The following CYP3A43 variants were observed in gnomAD, a reference collection of about 807,000 sequenced individuals.
CYP3A43 encodes the protein cytochrome P450 family 3 subfamily A member 43, also known as cytochrome P450 3A43.
In CYP3A43, 45 loss-of-function variants were observed where a neutral mutation model predicts 58.0. The observed-to-expected ratio is 0.78, with a 90% CI of 0.61 to 0.99. The LOEUF (loss-of-function observed/expected upper bound fraction) is 0.99. Among genes scored for constraint, CYP3A43 ranks in the 50% least tolerant of loss-of-function variants. The pLI is 0.00. For missense variants in CYP3A43, 593 were observed against 591.9 expected, an observed-to-expected ratio of 1.00 and a Z score of -0.02; for synonymous variants, 191 against 201.4, an observed-to-expected ratio of 0.95 and a Z score of 0.44.
At chr7:99,865,459 A>G (rs1818407331) in intron 12 of CYP3A43, among the ~76,000 whole-genome samples, 1 of 148,848 alleles carries the variant, frequency 6.7e-6, no homozygotes, top group Non-Finnish European at 1.5e-5. Context: ...TGAATGCTTA[A>G]TAAGTTGAAG....
intron 6 of CYP3A43, 60 bp downstream of exon 6, chr7:99,848,314 G>T: frequency 1.9e-6 from 3 of 1,550,670 alleles, no homozygotes; most frequent in South Asian, 1.1e-5. Flanking sequence ...GCCTGCAGTG[G>T]AGCTGATATT....
intron 4 of CYP3A43, among the ~76,000 whole-genome samples, chr7:99,845,950 T>C (rs1817529860): frequency 6.6e-6 from 1 of 150,978 alleles, no homozygotes; most frequent in Non-Finnish European, 1.5e-5. Flanking sequence ...TAATCTGGGG[T>C]ATTTTTAGTA....
At chr7:99,852,914 T>C (rs1817818208) in intron 7 of CYP3A43, among the ~76,000 whole-genome samples, 2 of 152,264 alleles carry the variant, frequency 1.3e-5, no homozygotes, top group Admixed American at 6.5e-5. Context: ...CATGGTATAT[T>C]ACACAACCTT....
Position 99,844,127 on chromosome 7 carries a change from G to T in CYP3A43, c.219-16G>T, listed in dbSNP as rs1038182227. The T allele has an allele frequency of 1.5e-5, 24 of 1,604,616 alleles. 1 individual carries two copies. The highest frequency in any genetic ancestry group is 2.0e-5 in the Non-Finnish European group (24 of 1,175,724). ...AGGCAAGCGAGGTTTAGTCAGCTCT[G>T]TTTTCCCCCACACAGGCTGTATGAG... On this transcript the variant is annotated splice_polypyrimidine_tract_variant and intron_variant, in intron 3 of 12. Coordinates refer to ENST00000354829, the MANE Select transcript of CYP3A43 (RefSeq NM_057095.3).
intron 7 of CYP3A43, among the ~76,000 whole-genome samples, chr7:99,850,725 A>G (rs948478940): frequency 6.6e-6 from 1 of 152,228 alleles, no homozygotes; most frequent in African/African-American, 2.4e-5. Context: ...CTAATCTAGC[A>G]CACATCATAT....
intron 7 of CYP3A43, among the ~76,000 whole-genome samples, chr7:99,855,073 T>C (rs1817921024): frequency 6.6e-6 from 1 of 152,020 alleles, no homozygotes; most frequent in Non-Finnish European, 1.5e-5. Flanking sequence ...AGAGATGGGG[T>C]TCCGCCATGT....
chr7:99,844,144 C>CT lies in CYP3A43; in HGVS notation c.221dup (p.Tyr75ValfsTer2). The stretch of plus-strand genomic sequence containing the variant: ...TCAGCTCTGTTTTCCCCCACACAGG[C>CT]TGTATGAGGGGCAACAGCCCATGCT... On this transcript the variant is annotated frameshift_variant and splice_region_variant, in exon 4 of 13. Coordinates refer to ENST00000354829, the MANE Select transcript of CYP3A43 (RefSeq NM_057095.3). LOFTEE classifies it high-confidence loss of function. 6.2e-7 allele frequency: 1 copy of CT among 1,612,616 alleles called. No homozygotes were observed. The highest frequency in any genetic ancestry group is 8.5e-7 in the Non-Finnish European group (1 of 1,179,374).
rs141131428 is a variant in CYP3A43 at position 99,844,201 on chromosome 7, G to A, written c.277G>A (p.Val93Met). ...CATGGATCCCGACATGATCAAAACA[G>A]TGTTAGTGAAAGAATGTTACTCTGT... ...VIMDPDMIKT[V>M]LVKECYSVFT... The change falls in exon 4 of 13, where the codon GTG becomes ATG. Residue 93 changes from valine (V) to methionine (M), a missense_variant. By Grantham distance (21) the Val-to-Met change is conservative. Coordinates refer to ENST00000354829, the MANE Select transcript of CYP3A43 (RefSeq NM_057095.3). 6.2e-7 allele frequency: 1 copy of A among 1,613,938 alleles called. No individual in the cohort carries two copies. Among genetic ancestry groups the A allele is most frequent in the African/African-American group, 1.3e-5 (1 of 74,938 alleles).
chr7:99,849,463 G>C, intron 6 of CYP3A43, 83 bp from the exon 7 acceptor site: 2 of 1,481,082 alleles, frequency 1.4e-6, no homozygotes, highest in Non-Finnish European at 1.8e-6. Flanking sequence ...GTCTTGCTCT[G>C]GCATAGCACT....
At chr7:99,844,302 A>T (rs540428216) in intron 4 of CYP3A43, 60 bp downstream of exon 4, 3 of 1,524,470 alleles carry the variant, frequency 2.0e-6, no homozygotes, top group Admixed American at 1.8e-5. Context: ...TTATATATTC[A>T]TGGAAACTTG....
chr7:99,861,104 C>A (rs1818213293), intron 10 of CYP3A43, among the ~76,000 whole-genome samples: 1 of 152,174 alleles, frequency 6.6e-6, no homozygotes, highest in South Asian at 2.1e-4. Flanking sequence ...AAACTCCTGA[C>A]CTCAAGTGAT....
chr7:99,855,775 T>C, intron 8 of CYP3A43, 57 bp downstream of exon 8: 2 of 1,525,632 alleles, frequency 1.3e-6, no homozygotes, highest in Admixed American at 2.2e-5. Flanking sequence ...ATTTTTGGGC[T>C]GTTTACATAC....
At chr7:99,832,999 T>G (rs531177042) in intron 1 of CYP3A43, among the ~76,000 whole-genome samples, 1 of 152,310 alleles carries the variant, frequency 6.6e-6, no homozygotes, top group Non-Finnish European at 1.5e-5. Context: ...TAGACATACG[T>G]GAATGAAATG....
chr7:99,849,843 A>G (rs1817682107), intron 7 of CYP3A43, 149 bp downstream of exon 7: 2 of 834,554 alleles, frequency 2.4e-6, no homozygotes, highest in Non-Finnish European at 3.6e-6. Flanking sequence ...AAAGATATGC[A>G]CAACCAACAT....
At chr7:99,838,739 G>C in intron 2 of CYP3A43, 1 of 1,136,122 alleles carries the variant, frequency 8.8e-7, no homozygotes, top group Non-Finnish European at 1.2e-6. Flanking sequence ...CAGCACTTTG[G>C]GAGGCTGAAG....
At chr7:99,830,984 C>T (rs1018042821) in intron 1 of CYP3A43, among the ~76,000 whole-genome samples, 7 of 152,232 alleles carry the variant, frequency 4.6e-5, no homozygotes, top group Admixed American at 2.0e-4. Context: ...AGAGTGTTTA[C>T]TGACATCATT....
chr7:99,841,114 A>T (rs1156577201), intron 3 of CYP3A43, among the ~76,000 whole-genome samples: 1 of 152,208 alleles, frequency 6.6e-6, no homozygotes, highest in South Asian at 2.1e-4. Flanking sequence ...CCGTCTCCAC[A>T]TAAGGAGCCG....
chr7:99,865,973 T>G lies in CYP3A43; in HGVS notation c.1484T>G (p.Leu495Ter). 1 of 1,606,110 alleles carries G rather than the reference T, an allele frequency of 6.2e-7. No homozygotes were observed. The highest frequency in any genetic ancestry group is 8.5e-7 in the Non-Finnish European group (1 of 1,176,188). Residue 495 changes from leucine (L) to a stop codon, truncating the protein, a stop_gained, in exon 13 of 13, where the codon TTA (leucine) becomes TGA (stop). Coordinates refer to ENST00000354829, the MANE Select transcript of CYP3A43 (RefSeq NM_057095.3). LOFTEE classifies it low-confidence loss of function (END_TRUNC). ...PEKPIVLKVH[L>*]RDGITSGP ...AAACCTATTGTTCTAAAAGTGCACTTAAGAGATGGGATTACAAGTGGACCC... is the reference window on the plus strand; with the variant it reads ...AAACCTATTGTTCTAAAAGTGCACTGAAGAGATGGGATTACAAGTGGACCC...
At chr7:99,828,576 G>A (rs1031001495) in intron 1 of CYP3A43, among the ~76,000 whole-genome samples, 44 of 151,996 alleles carry the variant, frequency 2.9e-4, no homozygotes, top group African/African-American at 9.2e-4. Flanking sequence ...CAGGAGAATC[G>A]CTTGAACCCA....
Sources: allele counts gnomAD v4.1 joint callset (sites outside exome capture counted in the v4.1 genomes callset), GRCh38; gene constraint gnomAD v4.1.1; transcripts MANE v1.5; gene names NCBI Gene and HGNC (gene_info 2026-07-23, HGNC 2026-07-21).